The following GULP1 variants were observed in gnomAD, a reference collection of about 807,000 sequenced individuals.
The protein encoded by GULP1 is PTB domain-containing engulfment adapter protein 1.
Under a neutral mutation model 40.9 loss-of-function variants are expected in GULP1, and 19 were observed. The observed-to-expected ratio is 0.46, with a 90% CI of 0.32 to 0.68. The LOEUF (loss-of-function observed/expected upper bound fraction) is 0.68, where lower values mean the gene tolerates loss of function less well. Among genes scored for constraint, GULP1 ranks in the 30% least tolerant of loss-of-function variants. GULP1 has a pLI of 0.03. For missense variants in GULP1, 312 were observed against 362.2 expected, an observed-to-expected ratio of 0.86 and a Z score of 1.12; for synonymous variants, 119 against 117.6, an observed-to-expected ratio of 1.01 and a Z score of -0.08.
At chr2:188,410,217 C>G (rs1177883503) in intron 2 of GULP1, among the ~76,000 whole-genome samples, 2 of 152,128 alleles carry the variant, frequency 1.3e-5, no homozygotes, top group African/African-American at 4.8e-5. Flanking sequence ...GATTTAAAGA[C>G]TCAAACATAA....
chr2:188,368,902 A>T (rs1264171857), intron 1 of GULP1, among the ~76,000 whole-genome samples: 1 of 136,154 alleles, frequency 7.3e-6, no homozygotes, highest in Non-Finnish European at 1.6e-5. Context: ...GAGTGTATTA[A>T]TAGATAGAAT....
chr2:188,460,239 A>T (rs2059590218), intron 2 of GULP1, among the ~76,000 whole-genome samples: 1 of 152,110 alleles, frequency 6.6e-6, no homozygotes, highest in South Asian at 2.1e-4. Flanking sequence ...TTAGGGTAGT[A>T]TGTACATTTT....
intron 1 of GULP1, among the ~76,000 whole-genome samples, chr2:188,310,210 A>T (rs954086311): frequency 9.2e-5 from 14 of 152,218 alleles, no homozygotes; most frequent in Admixed American, 4.6e-4. Context: ...AAGGAAGGGA[A>T]AAAGAGGAAA....
intron 5 of GULP1, among the ~76,000 whole-genome samples, chr2:188,523,866 C>T (rs1342300264): frequency 1.3e-5 from 2 of 152,106 alleles, no homozygotes; most frequent in Non-Finnish European, 2.9e-5. Flanking sequence ...GAATATTTTA[C>T]TAATCGTTTT....
At chr2:188,531,036 A>G (rs1029157535) in intron 6 of GULP1, among the ~76,000 whole-genome samples, 1 of 152,172 alleles carries the variant, frequency 6.6e-6, no homozygotes, top group Non-Finnish European at 1.5e-5. Context: ...CTAGTCCAGC[A>G]AGTGTCTTTG....
chr2:188,367,858 C>G (rs559877318), intron 1 of GULP1, among the ~76,000 whole-genome samples: 1 of 152,248 alleles, frequency 6.6e-6, no homozygotes, highest in South Asian at 2.1e-4. Flanking sequence ...GATCTCTTGC[C>G]TGAAGTGTTT....
In GULP1 at chr2:188,299,126, C is replaced by T. The variant is rs183514109; in HGVS notation, c.-172+6960C>T. Among the ~76,000 whole-genome samples the T allele has an allele frequency of 3.4e-4, 49 of 145,608 alleles. No individual in the cohort carries two copies. The East Asian group carries it at 3.8e-3, about 11-fold the overall frequency. ...GGGTGAGAAGCTTTGGTGGGAAGGA[C>T]GGTTACAGAGCAGGTGACCAAGGAT... On this transcript the variant is annotated intron_variant, in intron 1 of 11. Transcript: ENST00000409830.
intron 2 of GULP1, among the ~76,000 whole-genome samples, chr2:188,434,062 G>A (rs1368369478): frequency 1.3e-5 from 2 of 151,522 alleles, no homozygotes; most frequent in African/African-American, 4.8e-5. Flanking sequence ...CAGGTAGTTT[G>A]GATTCCTGAA....
intron 1 of GULP1, among the ~76,000 whole-genome samples, chr2:188,350,704 C>G (rs1321864624): frequency 6.6e-6 from 1 of 151,770 alleles, no homozygotes; most frequent in Non-Finnish European, 1.5e-5. Flanking sequence ...TACAATATAA[C>G]AAGTTTAATT....
intron 7 of GULP1, among the ~76,000 whole-genome samples, chr2:188,562,388 A>T (rs1339282380): frequency 6.6e-6 from 1 of 152,134 alleles, no homozygotes; most frequent in Admixed American, 6.6e-5. Context: ...ATCTCAACCA[A>T]ACAGGCTGCC....
intron 5 of GULP1, among the ~76,000 whole-genome samples, chr2:188,525,662 A>G (rs746757769): frequency 2.0e-4 from 30 of 152,212 alleles, no homozygotes; most frequent in Non-Finnish European, 3.4e-4. Context: ...CCCAGTGGGC[A>G]GCATTCCTGG....
At chr2:188,436,713 A>G (rs1023400338) in intron 2 of GULP1, among the ~76,000 whole-genome samples, 12 of 152,248 alleles carry the variant, frequency 7.9e-5, no homozygotes, top group East Asian at 1.9e-4. Context: ...TTTAACAGGT[A>G]GTTTATACAT....
In GULP1 at chr2:188,496,347, C is replaced by T. The variant is rs114190548; in HGVS notation, c.90+12855C>T. On this transcript the variant is annotated intron_variant, in intron 4 of 11. Coordinates refer to ENST00000409830, the MANE Select transcript of GULP1 (RefSeq NM_016315.4). The stretch of plus-strand genomic sequence containing the variant: ...CTTGGTTACATGTCTGTTTTTATTG[C>T]TCATTAGAATGGTATTGCTCTAGGC... 3.8e-3 allele frequency among the ~76,000 whole-genome samples: 577 copies of T among 152,032 alleles called. 5 individuals are homozygous for T. The highest frequency in any genetic ancestry group is 0.013 in the African/African-American group (544 of 41,486).
intron 2 of GULP1, among the ~76,000 whole-genome samples, chr2:188,474,718 TTTTG>T (rs1210604952): frequency 6.6e-6 from 1 of 152,152 alleles, no homozygotes; most frequent in African/African-American, 2.4e-5. Context: ...GTGAAGGTTC[TTTTG>T]TTTGTTTGTT....
intron 11 of GULP1, chr2:188,588,939 T>C (rs1230594478): frequency 1.3e-5 from 2 of 152,112 alleles, no homozygotes; most frequent in African/African-American, 2.4e-5. Flanking sequence ...TTCATTATTG[T>C]TCTAGATGTA....
At chr2:188,586,430 G>A (rs1702386661) in intron 10 of GULP1, among the ~76,000 whole-genome samples, 1 of 152,118 alleles carries the variant, frequency 6.6e-6, no homozygotes, top group South Asian at 2.1e-4. Context: ...TATGCTTATG[G>A]TGTAGTGGAA....
chr2:188,335,561 A>G (rs570722270), intron 1 of GULP1, among the ~76,000 whole-genome samples: 64 of 152,200 alleles, frequency 4.2e-4, no homozygotes, highest in African/African-American at 1.5e-3. Flanking sequence ...TGTATACATC[A>G]CATTGCTGCA....
intron 4 of GULP1, among the ~76,000 whole-genome samples, chr2:188,503,892 A>G (rs2063670734): frequency 6.6e-6 from 1 of 151,944 alleles, no homozygotes. Context: ...TAACACATAT[A>G]CATTAAAATT....
intron 10 of GULP1, among the ~76,000 whole-genome samples, chr2:188,585,523 A>G (rs1178879996): frequency 1.3e-5 from 2 of 152,028 alleles, no homozygotes; most frequent in Non-Finnish European, 2.9e-5. Flanking sequence ...CCAAAGCTCA[A>G]CTCTTGTCTT....
Sources: allele counts gnomAD v4.1 joint callset (sites outside exome capture counted in the v4.1 genomes callset), GRCh38; gene constraint gnomAD v4.1.1; transcripts MANE v1.5; gene names NCBI Gene and HGNC (gene_info 2026-07-23, HGNC 2026-07-21).